The following ZAP70 variants were observed in gnomAD, a reference collection of about 807,000 sequenced individuals.
ZAP70 encodes the protein tyrosine-protein kinase ZAP-70.
Under a neutral mutation model 65.8 loss-of-function variants are expected in ZAP70, and 27 were observed. That is an observed-to-expected ratio of 0.41 (90% CI 0.30 to 0.57). The LOEUF (loss-of-function observed/expected upper bound fraction) is 0.57, where lower values mean the gene tolerates loss of function less well. Ranked by LOEUF, ZAP70 falls within the 20% of genes least tolerant of loss-of-function variation. The pLI is 0.28. For synonymous variants in ZAP70, 363 were observed against 360.8 expected, an observed-to-expected ratio of 1.01 and a Z score of -0.07; for missense variants, 696 against 870.5, an observed-to-expected ratio of 0.80 and a Z score of 2.52.
chr2:97,743,963 T>A (rs954401027), downstream of ZAP70, among the ~76,000 whole-genome samples: 4 of 152,210 alleles, frequency 2.6e-5, no homozygotes, highest in African/African-American at 9.7e-5. Flanking sequence ...TCTGCAGTGG[T>A]CTCTTGTATA....
Position 97,739,565 on chromosome 2 carries a change from G to A in ZAP70, c.*67G>A, listed in dbSNP as rs994083603. ...CACCCTCAGCCCCACCCCAGGTCCT[G>A]CAGTCTGGCTGAGCCCTGCTTGGTT... On this transcript the variant is annotated 3_prime_UTR_variant, in exon 14 of 14. Transcript: ENST00000264972. The A allele has an allele frequency of 7.0e-6, 11 of 1,570,070 alleles. No homozygotes were observed. The South Asian group carries it at 1.3e-4, about 18-fold the overall frequency.
intron 2 of ZAP70, among the ~76,000 whole-genome samples, chr2:97,717,873 A>T (rs1677000700): frequency 6.6e-6 from 1 of 152,228 alleles, no homozygotes; most frequent in South Asian, 2.1e-4. Flanking sequence ...GATTCCAGGC[A>T]GGTCCTTCTG....
chr2:97,733,651 G>A (rs1300064428), intron 8 of ZAP70, 56 bp downstream of exon 8: 3 of 1,609,210 alleles, frequency 1.9e-6, no homozygotes, highest in Non-Finnish European at 2.5e-6. Flanking sequence ...CGAGATCAGG[G>A]TCGCTGTCAG....
chr2:97,746,533 G>A, the ZAP70 span, among the ~76,000 whole-genome samples: 2 of 152,192 alleles, frequency 1.3e-5, no homozygotes, highest in Non-Finnish European at 2.9e-5. Flanking sequence ...TTCAGAGGAG[G>A]TTAAGGGCTT....
chr2:97,732,707 C>A, intron 4 of ZAP70, 176 bp from the exon 5 acceptor site: 1 of 876,824 alleles, frequency 1.1e-6, no homozygotes, highest in Non-Finnish European at 1.7e-6. Context: ...TGCCACTTGG[C>A]CCATCATCAG....
In ZAP70 at chr2:97,736,278, T is replaced by C. The variant is rs1677876372; in HGVS notation, c.1289+822T>C. ...CTATCCGGCCCTTTACTGAAAAGTT[T>C]TGCAGTTTCATTTGTGGTTCCTCAT... On this transcript the variant is annotated intron_variant, in intron 10 of 13. Coordinates refer to ENST00000264972, the MANE Select transcript of ZAP70 (RefSeq NM_001079.4). The surrounding 1 kb of genome is among the most constrained non-coding windows in gnomAD (Gnocchi z 4.0). Among the ~76,000 whole-genome samples, 1 of 152,194 alleles carries C rather than the reference T, an allele frequency of 6.6e-6. No homozygotes were observed. Among genetic ancestry groups the C allele is most frequent in the African/African-American group, 2.4e-5 (1 of 41,450 alleles).
At position 97,733,178 on chromosome 2, in the gene ZAP70, G is replaced by T; in HGVS notation, c.756G>T (p.Glu252Asp). 6.2e-7 allele frequency: 1 copy of T among 1,613,846 alleles called. No individual in the cohort carries two copies. Among genetic ancestry groups the T allele is most frequent in the Non-Finnish European group, 8.5e-7 (1 of 1,179,948 alleles). Residue 252 changes from glutamate to aspartate, a missense_variant, in exon 6 of 14, where the codon GAG becomes GAT. Transcript: ENST00000264972. ...KADGLIYCLKEACPNSSASNA... is the reference protein window; with the variant it reads ...KADGLIYCLKDACPNSSASNA... ...ACGGGCTCATCTACTGCCTGAAGGAGGCCTGCCCCAACAGCAGTGCCAGCA... is the reference window on the plus strand; with the variant it reads ...ACGGGCTCATCTACTGCCTGAAGGATGCCTGCCCCAACAGCAGTGCCAGCA...
the ZAP70 span, among the ~76,000 whole-genome samples, chr2:97,749,154 C>T: frequency 6.6e-6 from 1 of 151,940 alleles, no homozygotes; most frequent in South Asian, 2.1e-4. Flanking sequence ...AGACTACAGG[C>T]GCCCGCCACC....
At chr2:97,721,580 A>ATTTTTTTTTTTTTTTT (rs796509420) in intron 2 of ZAP70, among the ~76,000 whole-genome samples, 6 of 81,166 alleles carry the variant, frequency 7.4e-5, no homozygotes, top group Admixed American at 1.6e-4. Context: ...TGGCTGGCTG[A>ATTTTTTTTTTTTTTTT]TTTTTTTTTT....
chr2:97,740,945 G>T (rs1230623578), downstream of ZAP70, among the ~76,000 whole-genome samples: 2 of 152,230 alleles, frequency 1.3e-5, no homozygotes, highest in Non-Finnish European at 2.9e-5. Context: ...CGCCATCATG[G>T]AGGCTGCGAA....
the ZAP70 span, among the ~76,000 whole-genome samples, chr2:97,749,655 T>C: frequency 5.9e-5 from 9 of 152,350 alleles, no homozygotes; most frequent in African/African-American, 2.2e-4. Flanking sequence ...TGGTGCTTTG[T>C]GGGCATAGGA....
At chr2:97,740,724 T>C (rs954029418), downstream of ZAP70, among the ~76,000 whole-genome samples, 4 of 151,836 alleles carry the variant, frequency 2.6e-5, no homozygotes, top group Non-Finnish European at 5.9e-5. Flanking sequence ...CCAGCTGGGG[T>C]CAATCCCGCC....
the ZAP70 span, among the ~76,000 whole-genome samples, chr2:97,755,415 CCT>C: frequency 2.0e-5 from 3 of 152,214 alleles, no homozygotes; most frequent in Admixed American, 6.5e-5. Context: ...TACATGGCAC[CCT>C]GTGTGACTGC....
At chr2:97,741,794 C>T (rs1326543999), downstream of ZAP70, among the ~76,000 whole-genome samples, 1 of 152,246 alleles carries the variant, frequency 6.6e-6, no homozygotes, top group Non-Finnish European at 1.5e-5. Context: ...ACCTCTTCTC[C>T]AAATATCTCA....
At chr2:97,754,636 C>A in the ZAP70 span, among the ~76,000 whole-genome samples, 1 of 152,200 alleles carries the variant, frequency 6.6e-6, no homozygotes, top group Non-Finnish European at 1.5e-5. Context: ...CACCTGACCT[C>A]AGTTGATCCG....
chr2:97,735,574 TGGACA>T, intron 10 of ZAP70, 118 bp downstream of exon 10: 1 of 1,221,012 alleles, frequency 8.2e-7, no homozygotes, highest in Admixed American at 2.2e-5. Flanking sequence ...CACACCATCG[TGGACA>T]CACTCTCAGC....
chr2:97,744,318 T>A (rs983574583), downstream of ZAP70, among the ~76,000 whole-genome samples: 3 of 152,108 alleles, frequency 2.0e-5, no homozygotes, highest in African/African-American at 7.2e-5. Flanking sequence ...CAAAATTTTG[T>A]TCTGGTGGAC....
At chr2:97,745,320 T>C in the ZAP70 span, among the ~76,000 whole-genome samples, 1 of 152,260 alleles carries the variant, frequency 6.6e-6, no homozygotes, top group African/African-American at 2.4e-5. Context: ...ATTACAGGCA[T>C]GAGCCACTGT....
At chr2:97,723,915 C>A (rs1677260525) in intron 2 of ZAP70, 101 bp from the exon 3 acceptor site, 2 of 1,359,030 alleles carry the variant, frequency 1.5e-6, no homozygotes, top group South Asian at 1.3e-5. Context: ...CAGTCTGCGG[C>A]ACTGATGCCC....
Sources: gnomAD v4.1 joint callset for allele counts (sites outside exome capture counted in the v4.1 genomes callset) on GRCh38, gnomAD v4.1.1 for gene constraint, Gnocchi (gnomAD v3.1) non-coding constraint, MANE v1.5 for transcripts, NCBI Gene and HGNC (gene_info 2026-07-23, HGNC 2026-07-21) for gene names.